Variants in PCDH17 observed in about 807,000 individuals in gnomAD.
PCDH17 encodes the protein protocadherin 17.
In PCDH17, 21 loss-of-function variants were observed where a neutral mutation model predicts 67.7. That is an observed-to-expected ratio of 0.31 (90% CI 0.22 to 0.45). The LOEUF is 0.45. Among genes scored for constraint, PCDH17 ranks in the 20% least tolerant of loss-of-function variants. The pLI is 1.00. For missense variants in PCDH17, 1,471 were observed against 1,564.8 expected (o/e 0.94, Z 1.01); for synonymous variants, 701 against 656.7 (o/e 1.07, Z -1.03).
At chr13:57,707,233 A>G (rs913036951) in intron 3 of PCDH17, among the ~76,000 whole-genome samples, 5 of 151,912 alleles carry the variant, frequency 3.3e-5, no homozygotes, top group Non-Finnish European at 5.9e-5. Context: ...TCTTACTTTC[A>G]GTGTCCAAAA....
At chr13:57,678,195 T>A (rs1260859034) in intron 3 of PCDH17, among the ~76,000 whole-genome samples, 1 of 151,486 alleles carries the variant, frequency 6.6e-6, no homozygotes, top group Non-Finnish European at 1.5e-5. Flanking sequence ...GATAAATAGG[T>A]TTTTTTAAAG....
chr13:57,663,445 T>C, intron 1 of PCDH17, among the ~76,000 whole-genome samples: 1 of 152,172 alleles, frequency 6.6e-6, no homozygotes, highest in East Asian at 1.9e-4. Flanking sequence ...ATCTGAATAC[T>C]CTTATACTTC....
At chr13:57,691,080 A>C (rs1045965898) in intron 3 of PCDH17, among the ~76,000 whole-genome samples, 1 of 151,474 alleles carries the variant, frequency 6.6e-6, no homozygotes, top group African/African-American at 2.4e-5. Context: ...GAAGTATAAT[A>C]AATTAATAAT....
At chr13:57,719,917 A>T (rs1955858939) in intron 3 of PCDH17, among the ~76,000 whole-genome samples, 1 of 152,014 alleles carries the variant, frequency 6.6e-6, no homozygotes, top group South Asian at 2.1e-4. Context: ...CTTATAAATG[A>T]TAATTTTGGG....
rs987673163 is a variant in PCDH17, at chr13:57,652,372, C to T, written c.2566-14096C>T. Reference sequence around the variant, plus strand: ...TAATTTTACTACAAATTTCATTTTGCACCCTCTAAACCAGGCTTGGTCACT... The same window carrying T: ...TAATTTTACTACAAATTTCATTTTGTACCCTCTAAACCAGGCTTGGTCACT... On this transcript the variant is annotated intron_variant, in intron 1 of 3. Coordinates refer to ENST00000377918, the MANE Select transcript of PCDH17 (RefSeq NM_001040429.3). Among the ~76,000 whole-genome samples the T allele has an allele frequency of 2.6e-5, 4 of 151,048 alleles. No individual in the cohort carries two copies. The East Asian group carries it at 5.8e-4, about 22-fold the overall frequency.
intron 3 of PCDH17, among the ~76,000 whole-genome samples, chr13:57,689,890 C>T: frequency 6.6e-6 from 1 of 151,780 alleles, no homozygotes; most frequent in Non-Finnish European, 1.5e-5. Flanking sequence ...ATAGGCTATT[C>T]TAATTATATT....
intron 3 of PCDH17, among the ~76,000 whole-genome samples, chr13:57,684,165 A>G (rs977797295): frequency 6.6e-6 from 1 of 151,840 alleles, no homozygotes. Context: ...TTCTGCTCAC[A>G]CTTTCCTTCT....
intron 3 of PCDH17, among the ~76,000 whole-genome samples, chr13:57,692,165 C>T (rs1386422659): frequency 6.6e-6 from 1 of 151,130 alleles, no homozygotes; most frequent in Non-Finnish European, 1.5e-5. Flanking sequence ...TTTAGCATTT[C>T]ATGCCTTGAA....
chr13:57,676,057 G>A (rs1001837088), intron 3 of PCDH17, among the ~76,000 whole-genome samples: 1 of 151,872 alleles, frequency 6.6e-6, no homozygotes. Context: ...GGAAAAAAAT[G>A]ACTTAATGTC....
In PCDH17 at chr13:57,633,902, C is replaced by T; in HGVS notation, c.1356C>T (p.Leu452=). ...CGCGGGACGGGGGCTCTCCTCCCCTCAACTCCACCAAGTCGTTCGCGATCA... is the reference window on the plus strand; with the variant it reads ...CGCGGGACGGGGGCTCTCCTCCCCTTAACTCCACCAAGTCGTTCGCGATCA... ...IVARDGGSPP[L]NSTKSFAIKI... is the part of the protein sequence containing the mutation. The change falls in exon 1 of 4, where the codon CTC becomes CTT. Residue 452 remains leucine, a synonymous_variant. Coordinates refer to ENST00000377918, the MANE Select transcript of PCDH17 (RefSeq NM_001040429.3). The surrounding 1 kb of genome is among the most constrained non-coding windows in gnomAD (Gnocchi z 6.2). 1 of 1,613,298 alleles carries T rather than the reference C, an allele frequency of 6.2e-7. No homozygotes were observed. Among genetic ancestry groups the T allele is most frequent in the Non-Finnish European group, 8.5e-7 (1 of 1,180,032 alleles).
Position 57,633,501 on chromosome 13 carries a change from A to T in PCDH17, c.955A>T (p.Ile319Phe). Residue 319 changes from isoleucine to phenylalanine, a missense_variant, in exon 1 of 4, where the codon ATT becomes TTT. This residue lies in a region of PCDH17 where 1,163 missense variants were observed against 1,230.0 expected (regional missense o/e 0.95). Transcript: ENST00000377918. The surrounding 1 kb of genome is among the most constrained non-coding windows in gnomAD (Gnocchi z 6.2). ...CTATGAGGAAAACGGGATGCTGGAG[A>T]TTGACGTGCAGGCCCGAGACCTGGG... ...LDYEENGMLEIDVQARDLGPN... is the reference protein window; with the variant it reads ...LDYEENGMLEFDVQARDLGPN... 6.2e-7 allele frequency: 1 copy of T among 1,613,854 alleles called. No individual in the cohort carries two copies. Among genetic ancestry groups the T allele is most frequent in the Non-Finnish European group, 8.5e-7 (1 of 1,180,016 alleles).
intron 3 of PCDH17, among the ~76,000 whole-genome samples, chr13:57,674,505 T>C (rs1454148676): frequency 3.2e-4 from 48 of 151,852 alleles, no homozygotes; most frequent in Admixed American, 3.2e-3. Flanking sequence ...TTCAAATTTA[T>C]TTATAGGTAT....
At chr13:57,666,436 AC>A (rs567154080) in intron 1 of PCDH17, 31 bp from the exon 2 acceptor site, 5 of 1,563,386 alleles carry the variant, frequency 3.2e-6, no homozygotes, top group Non-Finnish European at 4.4e-6. Flanking sequence ...CCAGTGTACA[AC>A]TATACGTATT....
rs1233223045 is a variant in PCDH17, at chr13:57,633,368, C to T, written c.822C>T (p.Pro274=). Reference sequence around the variant, plus strand: ...ACGCCACCGACGCCGATGAAGGTCCCAATGGTGAAGTGCTCTACTCTTTCA... The same window carrying T: ...ACGCCACCGACGCCGATGAAGGTCCTAATGGTGAAGTGCTCTACTCTTTCA... ...DLNATDADEG[P]NGEVLYSFSS... The change falls in exon 1 of 4, where the codon CCC becomes CCT. Residue 274 remains proline, a synonymous_variant. Transcript: ENST00000377918. The surrounding 1 kb of genome is among the most constrained non-coding windows in gnomAD (Gnocchi z 6.2). 6.2e-7 allele frequency: 1 copy of T among 1,613,178 alleles called. No homozygotes were observed. Among genetic ancestry groups the T allele is most frequent in the South Asian group, 1.1e-5 (1 of 91,086 alleles).
chr13:57,642,080 TGA>T (rs1954913374), intron 1 of PCDH17, among the ~76,000 whole-genome samples: 1 of 151,784 alleles, frequency 6.6e-6, no homozygotes, highest in Non-Finnish European at 1.5e-5. Flanking sequence ...AATATAATAG[TGA>T]TACACCATAT....
intron 3 of PCDH17, among the ~76,000 whole-genome samples, chr13:57,674,880 G>A (rs778983244): frequency 6.6e-6 from 1 of 151,902 alleles, no homozygotes; most frequent in South Asian, 2.1e-4. Context: ...ACATTATGGT[G>A]AGAAGAAACC....
At position 57,692,406 on chromosome 13, in the gene PCDH17, C is replaced by G. The variant is rs115472423; in HGVS notation, c.2797+25573C>G. Among the ~76,000 whole-genome samples, 595 of 151,290 alleles carry G rather than the reference C, an allele frequency of 3.9e-3. 3 individuals carry two copies. The highest frequency in any genetic ancestry group is 0.014 in the African/African-American group (563 of 41,450). ...AATATTGTAATTTGTTTGAAGTTAA[C>G]TAGGCTGACATTTAGAGCTTGTATT... is the stretch of plus-strand genomic sequence containing the variant. On this transcript the variant is annotated intron_variant, in intron 3 of 3. Coordinates refer to ENST00000377918, the MANE Select transcript of PCDH17 (RefSeq NM_001040429.3).
In PCDH17 at chr13:57,666,516, T is replaced by G; in HGVS notation, c.2614T>G (p.Phe872Val). Residue 872 changes from phenylalanine to valine, a missense_variant, in exon 2 of 4, where the codon TTT becomes GTT. This residue lies in a region of PCDH17 where 1,163 missense variants were observed against 1,230.0 expected (regional missense o/e 0.95). Coordinates refer to ENST00000377918, the MANE Select transcript of PCDH17 (RefSeq NM_001040429.3). Reference protein sequence around the residue: ...EPNYMGSRQQFVQSSSTFKDP... With the variant: ...EPNYMGSRQQVVQSSSTFKDP... ...CAATTACATGGGCAGCAGGCAGCAG[T>G]TTGTTCAAAGGTAAGGCCTATTAAA... 1 of 1,613,954 alleles carries G rather than the reference T, an allele frequency of 6.2e-7. No homozygotes were observed. Among genetic ancestry groups the G allele is most frequent in the Middle Eastern group, 1.6e-4 (1 of 6,062 alleles).
At chr13:57,723,889 ATT>A in intron 3 of PCDH17, among the ~76,000 whole-genome samples, 1 of 152,210 alleles carries the variant, frequency 6.6e-6, no homozygotes, top group Non-Finnish European at 1.5e-5. Context: ...GGAAATCATG[ATT>A]TGTCATTCAT....
Sources: allele counts gnomAD v4.1 joint callset (sites outside exome capture counted in the v4.1 genomes callset), GRCh38; gene constraint gnomAD v4.1.1; regional missense constraint gnomAD v4.1.1; non-coding constraint Gnocchi (gnomAD v3.1); transcripts MANE v1.5; gene names NCBI Gene and HGNC (gene_info 2026-07-23, HGNC 2026-07-21).